Variants in RBBP6 observed in about 807,000 individuals in gnomAD.
RBBP6 encodes the protein E3 ubiquitin-protein ligase RBBP6.
RBBP6 carries 25 observed loss-of-function variants against 167.7 expected under a neutral mutation model. The observed-to-expected ratio is 0.15, with a 90% confidence interval of 0.11 to 0.21. The LOEUF is 0.21. Ranked by LOEUF, RBBP6 falls within the 10% of genes least tolerant of loss-of-function variation. RBBP6 has a pLI of 1.00. For synonymous variants in RBBP6, 789 were observed against 735.8 expected, an observed-to-expected ratio of 1.07 and a Z score of -1.17; for missense variants, 1,868 against 2,134.2, an observed-to-expected ratio of 0.88 and a Z score of 2.46.
At chr16:24,561,760 T>G (rs1219220746) in intron 9 of RBBP6, 45 bp downstream of exon 9, 4 of 1,607,290 alleles carry the variant, frequency 2.5e-6, no homozygotes, top group Non-Finnish European at 3.4e-6. Flanking sequence ...TTTTAACTGA[T>G]TTAACTGTAC....
At chr16:24,549,931 A>G (rs1271494798) in intron 3 of RBBP6, among the ~76,000 whole-genome samples, 1 of 152,036 alleles carries the variant, frequency 6.6e-6, no homozygotes, top group Non-Finnish European at 1.5e-5. Context: ...TTGTGATACC[A>G]TTTTAACTTT....
At chr16:24,547,228 C>A (rs144142207) in intron 2 of RBBP6, among the ~76,000 whole-genome samples, 95 of 152,220 alleles carry the variant, frequency 6.2e-4, no homozygotes, top group African/African-American at 2.2e-3. Flanking sequence ...TGGAGCTTTA[C>A]CTCATATGGG....
At position 24,570,190 on chromosome 16, in the gene RBBP6, T is replaced by A. The variant is rs1368973167; in HGVS notation, c.3500T>A (p.Ile1167Asn). Residue 1167 changes from isoleucine to asparagine, a missense_variant, in exon 17 of 18, where the codon ATC (isoleucine) becomes AAC (asparagine). Physicochemically the swap from Ile to Asn is moderately radical, Grantham distance 149. Coordinates refer to ENST00000319715, the MANE Select transcript of RBBP6 (RefSeq NM_006910.5). ...GATTTTGAGTCTTCTTCAATGAAAA[T>A]CTCGAAACTAGAAGTGACTGAAATA... is the stretch of plus-strand genomic sequence containing the variant. ...DKDFESSSMKISKLEVTEIVK... is the reference protein window; with the variant it reads ...DKDFESSSMKNSKLEVTEIVK... 3.7e-6 allele frequency: 6 copies of A among 1,600,920 alleles called. No homozygotes were observed. The South Asian group carries it at 6.9e-5, about 18-fold the overall frequency.
chr16:24,555,957 T>C (rs1312533773), intron 6 of RBBP6, 40 bp downstream of exon 6: 3 of 1,490,930 alleles, frequency 2.0e-6, no homozygotes, highest in Admixed American at 1.7e-5. Flanking sequence ...CTTACTTTTT[T>C]TCCTTTGGAA....
Position 24,571,476 on chromosome 16 carries a change from T to C in RBBP6, c.4410T>C (p.Asn1470=). Residue 1470 remains asparagine (N), a synonymous_variant, in exon 18 of 18, where the codon AAT becomes AAC. Coordinates refer to ENST00000319715, the MANE Select transcript of RBBP6 (RefSeq NM_006910.5). ...CCTCAAATAAAGACTTCACTCCCAA[T>C]AGAGACAAAAAAACTGACTATGACA... is the stretch of plus-strand genomic sequence containing the variant. ...RASSNKDFTP[N]RDKKTDYDTR... The C allele has an allele frequency of 6.2e-7, 1 of 1,612,466 alleles. No homozygotes were observed. The highest frequency in any genetic ancestry group is 1.1e-5 in the South Asian group (1 of 90,658).
In RBBP6 at chr16:24,572,296, C is replaced by T; in HGVS notation, c.5230C>T (p.His1744Tyr). The change falls in exon 18 of 18, where the codon CAT becomes TAT. Residue 1744 changes from histidine to tyrosine, a missense_variant. His to Tyr is a moderately conservative substitution (Grantham distance 83). Transcript: ENST00000319715. ...GAAAAAACACAAGAAACATAAAAAG[C>T]ATAAGAAGCATAAGAAACATGCAGG... ...EKKKHKKHKK[H>Y]KKHKKHAGTE... 3.2e-6 allele frequency: 5 copies of T among 1,583,736 alleles called. No homozygotes were observed. The highest frequency in any genetic ancestry group is 4.3e-6 in the Non-Finnish European group (5 of 1,164,558).
chr16:24,559,987 T>G (rs979747541), intron 8 of RBBP6, among the ~76,000 whole-genome samples: 2 of 152,208 alleles, frequency 1.3e-5, no homozygotes, highest in African/African-American at 4.8e-5. Flanking sequence ...TTTTAAAACT[T>G]TTTTGGGCCT....
At chr16:24,552,916 A>G (rs1310095358) in intron 3 of RBBP6, 1 of 151,940 alleles carries the variant, frequency 6.6e-6, no homozygotes, top group Non-Finnish European at 1.5e-5. Context: ...TCAGGGTGCC[A>G]TTGTTTTCCC....
intron 4 of RBBP6, chr16:24,555,404 A>G: frequency 2.1e-6 from 1 of 465,520 alleles, no homozygotes; most frequent in Non-Finnish European, 3.8e-6. Flanking sequence ...GAGTGCCCCC[A>G]GAATGACTTT....
intron 1 of RBBP6, among the ~76,000 whole-genome samples, chr16:24,541,205 CAA>C (rs933107246): frequency 7.6e-5 from 6 of 79,268 alleles, no homozygotes; most frequent in Non-Finnish European, 2.5e-5. Context: ...AAAAAAAAAC[CAA>C]AAAAACAATT....
Position 24,571,612 on chromosome 16 carries a change from A to G in RBBP6, c.4546A>G (p.Arg1516Gly), listed in dbSNP as rs780117081. 1 of 1,611,336 alleles carries G rather than the reference A, an allele frequency of 6.2e-7. No homozygotes were observed. Among genetic ancestry groups the G allele is most frequent in the Non-Finnish European group, 8.5e-7 (1 of 1,179,376 alleles). Residue 1516 changes from arginine to glycine, a missense_variant, in exon 18 of 18, where the codon AGG (arginine) becomes GGG (glycine). Physicochemically the swap from Arg to Gly is moderately radical, Grantham distance 125. Transcript: ENST00000319715. Reference sequence around the variant, plus strand: ...TGCATCTGGACAGAAAAATAAACCAAGGGAAGAGAGAGATTTGCCTAAAAA... The same window carrying G: ...TGCATCTGGACAGAAAAATAAACCAGGGGAAGAGAGAGATTTGCCTAAAAA... ...DSASGQKNKP[R>G]EERDLPKKGT...
rs908712586 is a variant in RBBP6, at chr16:24,547,063, T to A, written c.266+801T>A. 2.6e-5 allele frequency among the ~76,000 whole-genome samples: 4 copies of A among 152,190 alleles called. No homozygotes were observed. In the South Asian group the frequency reaches 8.3e-4, roughly 31 times the overall value. ...ATAATATGTGAAAAGGGCAGCAACA[T>A]AGGTTATTTAAAGAGTAGTGATTTT... is the stretch of plus-strand genomic sequence containing the variant. On this transcript the variant is annotated intron_variant, in intron 2 of 17. Transcript: ENST00000319715.
intron 1 of RBBP6, among the ~76,000 whole-genome samples, chr16:24,545,628 A>G (rs1898626043): frequency 6.6e-6 from 1 of 152,208 alleles, no homozygotes; most frequent in Non-Finnish European, 1.5e-5. Context: ...TTAAGTATCC[A>G]GTAGAAGTTC....
intron 3 of RBBP6, chr16:24,549,455 T>A: frequency 1.2e-6 from 1 of 847,386 alleles, no homozygotes; most frequent in Non-Finnish European, 1.4e-6. Flanking sequence ...TTTTTTTTCC[T>A]GCCTGATTTA....
rs9923179 is a variant in RBBP6 at position 24,557,517 on chromosome 16, A to G, written c.674+1070A>G. ...GCTGTTCTCTAACTTTGTTGAGCATAAGAATTTCCTACAAAAGTATGTTAA... is the reference window on the plus strand; with the variant it reads ...GCTGTTCTCTAACTTTGTTGAGCATGAGAATTTCCTACAAAAGTATGTTAA... On this transcript the variant is annotated intron_variant, in intron 7 of 17. Transcript: ENST00000319715. Among the ~76,000 whole-genome samples, 354 of 152,276 alleles carry G rather than the reference A, an allele frequency of 2.3e-3. 7 individuals carry two copies. In the East Asian group the frequency reaches 0.062, roughly 27 times the overall value.
Position 24,540,326 on chromosome 16 carries a change from G to A in RBBP6, c.-301G>A, listed in dbSNP as rs1361873979. 6 of 279,028 alleles carry A rather than the reference G, an allele frequency of 2.2e-5. No individual in the cohort carries two copies. The Admixed American group carries it at 2.9e-4, about 14-fold the overall frequency. 17.3% of individuals were successfully genotyped at this position (279,028 alleles called of 1,614,324 possible). On this transcript the variant is annotated 5_prime_UTR_variant, in exon 1 of 18. Coordinates refer to ENST00000319715, the MANE Select transcript of RBBP6 (RefSeq NM_006910.5). ...TCCCCCCGTCTCTGCCGGCCCCTTA[G>A]CATGAGCGAGGGGGACCCAGCCGGG...
rs1898909309 is a variant in RBBP6 at position 24,556,210 on chromosome 16, C to T, written c.535-98C>T. On this transcript the variant is annotated intron_variant, in intron 6 of 17. Transcript: ENST00000319715. ...ATGAGATCACATATGTAAAGCACTA[C>T]AAGTAATATAGTAAGCACTGTATAA... 12 of 979,480 alleles carry T rather than the reference C, an allele frequency of 1.2e-5. No individual in the cohort carries two copies. The South Asian group carries it at 1.8e-4, about 14-fold the overall frequency. The allele number at this position is 979,480 out of a possible 1,614,324, so 60.7% of individuals were successfully genotyped here.
chr16:24,567,345 A>G lies in RBBP6; in HGVS notation c.1792A>G (p.Ser598Gly). 1 of 1,613,994 alleles carries G rather than the reference A, an allele frequency of 6.2e-7. No individual in the cohort carries two copies. The highest frequency in any genetic ancestry group is 8.5e-7 in the Non-Finnish European group (1 of 1,179,992). The change falls in exon 15 of 18, where the codon AGT (serine) becomes GGT (glycine). Residue 598 changes from serine (S) to glycine (G), a missense_variant. This residue lies in a region of RBBP6 where 145 missense variants were observed against 224.3 expected (regional missense o/e 0.65). Transcript: ENST00000319715. ...TGGCCAGCCACCACCCGCTGGGTAT[A>G]GTGTCCCTCCTCCAGGGTTTCCTCC... ...PPGQPPPAGY[S>G]VPPPGFPPAP...
At chr16:24,567,560 A>T in intron 15 of RBBP6, 55 bp downstream of exon 15, 1 of 1,514,164 alleles carries the variant, frequency 6.6e-7, no homozygotes, top group Admixed American at 2.1e-5. Context: ...TGATAATAAC[A>T]TTAAATAGGT....
Sources: allele counts gnomAD v4.1 joint callset (sites outside exome capture counted in the v4.1 genomes callset), GRCh38; gene constraint gnomAD v4.1.1; regional missense constraint gnomAD v4.1.1; transcripts MANE v1.5; gene names NCBI Gene and HGNC (gene_info 2026-07-23, HGNC 2026-07-21).